Variants in CPNE4 observed in about 807,000 individuals in gnomAD.
CPNE4 encodes the protein copine-4.
A neutral mutation model predicts 67.9 loss-of-function variants in CPNE4; 25 were observed. That is an observed-to-expected ratio of 0.37 (90% CI 0.27 to 0.51). The LOEUF is 0.51. Ranked by LOEUF, CPNE4 falls within the 20% of genes least tolerant of loss-of-function variation. CPNE4 has a pLI of 0.93. For synonymous variants in CPNE4, 242 were observed against 244.9 expected (o/e 0.99, Z 0.11); for missense variants, 464 against 690.8 (o/e 0.67, Z 3.68).
At chr3:131,751,565 CT>C (rs1352451693) in intron 2 of CPNE4, among the ~76,000 whole-genome samples, 1 of 151,908 alleles carries the variant, frequency 6.6e-6, no homozygotes, top group Non-Finnish European at 1.5e-5. Context: ...AGTAATTGCT[CT>C]TTGAAGCACT....
chr3:131,715,171 C>T (rs185439413), intron 3 of CPNE4, among the ~76,000 whole-genome samples: 16 of 152,136 alleles, frequency 1.1e-4, no homozygotes, highest in Non-Finnish European at 1.8e-4. Context: ...CTTCTGGGTG[C>T]TGAGTTTGTA....
chr3:131,952,630 C>G (rs1302988976), intron 1 of CPNE4, among the ~76,000 whole-genome samples: 2 of 144,324 alleles, frequency 1.4e-5, no homozygotes, highest in East Asian at 2.2e-4. Flanking sequence ...GGGGGTCAGC[C>G]CCCCTCCCGG....
intron 2 of CPNE4, among the ~76,000 whole-genome samples, chr3:131,766,444 G>A (rs969217903): frequency 6.6e-6 from 1 of 152,108 alleles, no homozygotes; most frequent in Non-Finnish European, 1.5e-5. Flanking sequence ...AATAGATAGT[G>A]TGGTGCTGGT....
chr3:131,815,723 C>T (rs987509825), intron 2 of CPNE4, among the ~76,000 whole-genome samples: 1 of 152,020 alleles, frequency 6.6e-6, no homozygotes, highest in Admixed American at 6.5e-5. Context: ...TCCTAAAGAA[C>T]TATCTGAAAA....
At chr3:131,818,687 T>G (rs757711025) in intron 2 of CPNE4, among the ~76,000 whole-genome samples, 4 of 152,244 alleles carry the variant, frequency 2.6e-5, no homozygotes, top group Non-Finnish European at 4.4e-5. Context: ...CACAATGTTT[T>G]TGTTTAAAAC....
intron 2 of CPNE4, among the ~76,000 whole-genome samples, chr3:131,900,640 T>C (rs2088518691): frequency 1.3e-5 from 2 of 152,120 alleles, no homozygotes; most frequent in South Asian, 4.1e-4. Flanking sequence ...CAAGCCATAG[T>C]GCTCAATACA....
intron 7 of CPNE4, among the ~76,000 whole-genome samples, chr3:131,616,735 C>T (rs1049320614): frequency 1.3e-5 from 2 of 151,940 alleles, no homozygotes; most frequent in Admixed American, 6.6e-5. Flanking sequence ...TGTACAGCTT[C>T]GAATTAATCA....
At chr3:131,554,874 A>G (rs1936378838) in intron 12 of CPNE4, among the ~76,000 whole-genome samples, 8 of 152,044 alleles carry the variant, frequency 5.3e-5, no homozygotes, top group Admixed American at 5.2e-4. Context: ...GTTCTACAGG[A>G]GCATCTAGAA....
intron 7 of CPNE4, among the ~76,000 whole-genome samples, chr3:131,651,651 C>T (rs1394680101): frequency 6.6e-6 from 1 of 152,116 alleles, no homozygotes; most frequent in Non-Finnish European, 1.5e-5. Context: ...GGAACTTACT[C>T]AGCTCTCTGA....
At chr3:131,712,843 T>A (rs967399067) in intron 3 of CPNE4, among the ~76,000 whole-genome samples, 5 of 152,044 alleles carry the variant, frequency 3.3e-5, no homozygotes, top group Non-Finnish European at 7.4e-5. Context: ...ATTGGAAGAG[T>A]ATGTGTAAAT....
At chr3:131,801,452 G>GTATATATATATATATATATATA (rs71136416) in intron 2 of CPNE4, among the ~76,000 whole-genome samples, 9 of 53,352 alleles carry the variant, frequency 1.7e-4, no homozygotes, top group Non-Finnish European at 2.0e-4. Flanking sequence ...GTGTGTGTGT[G>GTATATATATATATATATATATA]TATATATATA....
chr3:131,992,828 C>T lies in CPNE4; in HGVS notation c.-2+41739G>A, dbSNP rs561945748. 1.5e-5 allele frequency among the ~76,000 whole-genome samples: 2 copies of T among 135,840 alleles called. 1 individual carries two copies. The highest frequency in any genetic ancestry group is 5.2e-4 in the South Asian group (2 of 3,880). The allele number at this position is 135,840 out of a possible 152,430, so 89.1% of individuals were successfully genotyped here. On this transcript the variant is annotated intron_variant, in intron 1 of 15. Coordinates refer to ENST00000429747, the MANE Select transcript of CPNE4 (RefSeq NM_130808.3). ...CCATTCTAGTGATAGTGAGTGAGTT[C>T]TCACGAGATCTAAGGGCTTTATAAG...
chr3:131,997,275 C>G (rs894021850), intron 1 of CPNE4, among the ~76,000 whole-genome samples: 1 of 152,118 alleles, frequency 6.6e-6, no homozygotes, highest in Non-Finnish European at 1.5e-5. Flanking sequence ...AACACAGAAA[C>G]AAATTTTGCA....
chr3:131,916,079 C>T (rs2089169804), intron 1 of CPNE4, among the ~76,000 whole-genome samples: 1 of 152,040 alleles, frequency 6.6e-6, no homozygotes, highest in African/African-American at 2.4e-5. Context: ...TGTCACAGCC[C>T]CTCCTTTTCC....
intron 1 of CPNE4, among the ~76,000 whole-genome samples, chr3:131,939,393 G>A (rs1172348773): frequency 6.6e-6 from 1 of 152,120 alleles, no homozygotes; most frequent in Non-Finnish European, 1.5e-5. Context: ...GTTATCTTTT[G>A]TGTAAAAAGG....
intron 2 of CPNE4, among the ~76,000 whole-genome samples, chr3:131,762,236 G>C (rs913168315): frequency 6.6e-6 from 1 of 151,910 alleles, no homozygotes; most frequent in Admixed American, 6.6e-5. Flanking sequence ...AGAATATTAA[G>C]GGGCACCCAG....
intron 2 of CPNE4, among the ~76,000 whole-genome samples, chr3:131,846,825 A>G (rs1460162525): frequency 6.6e-6 from 1 of 152,150 alleles, no homozygotes; most frequent in Non-Finnish European, 1.5e-5. Context: ...TCAGTTCCAT[A>G]AGCTGAACCT....
chr3:131,599,906 T>C (rs1939108227), intron 7 of CPNE4, among the ~76,000 whole-genome samples: 1 of 152,194 alleles, frequency 6.6e-6, no homozygotes, highest in South Asian at 2.1e-4. Context: ...AAGCCAGCTT[T>C]AAAGAGTGTC....
intron 2 of CPNE4, among the ~76,000 whole-genome samples, chr3:131,865,297 G>T (rs1465314906): frequency 2.6e-5 from 4 of 152,160 alleles, no homozygotes; most frequent in Non-Finnish European, 4.4e-5. Flanking sequence ...GCTCCTCCTT[G>T]TACCTCTGGT....
Sources: allele counts gnomAD v4.1 joint callset (sites outside exome capture counted in the v4.1 genomes callset), GRCh38; gene constraint gnomAD v4.1.1; transcripts MANE v1.5; gene names NCBI Gene and HGNC (gene_info 2026-07-23, HGNC 2026-07-21).